The following LIN28B variants were observed in gnomAD, a reference collection of about 807,000 sequenced individuals.
LIN28B encodes protein lin-28 homolog B.
In LIN28B, 5 loss-of-function variants were observed where a neutral mutation model predicts 21.9. The observed-to-expected ratio is 0.23, with a 90% CI of 0.12 to 0.48. LIN28B has a LOEUF of 0.48. LIN28B is among the 20% of genes least tolerant of loss of function. The pLI is 0.98. For missense variants in LIN28B, 245 were observed against 310.5 expected, an observed-to-expected ratio of 0.79 and a Z score of 1.58; for synonymous variants, 109 against 111.3, an observed-to-expected ratio of 0.98 and a Z score of 0.13.
At position 105,079,737 on chromosome 6, in the gene LIN28B, C is replaced by T. The variant is rs1224000012; in HGVS notation, c.*954C>T. Reference sequence around the variant, plus strand: ...CCCATTGCTTAGAGCAGGGAGCCCTCCTTATTTACTACTGAAGACCTTAGA... The same window carrying T: ...CCCATTGCTTAGAGCAGGGAGCCCTTCTTATTTACTACTGAAGACCTTAGA... On this transcript the variant is annotated 3_prime_UTR_variant, in exon 4 of 4. Coordinates refer to ENST00000345080, the MANE Select transcript of LIN28B (RefSeq NM_001004317.4). The T allele has an allele frequency of 6.6e-6, 1 of 152,218 alleles. No homozygotes were observed. Among genetic ancestry groups the T allele is most frequent in the Non-Finnish European group, 1.5e-5 (1 of 68,034 alleles). The allele number at this position is 152,218 out of a possible 1,614,324, so 9.4% of individuals were successfully genotyped here. A position where few individuals can be genotyped will look rare whatever the true frequency, so the allele number is the denominator to read the frequency against.
intron 3 of LIN28B, among the ~76,000 whole-genome samples, chr6:105,051,969 A>T (rs1346127056): frequency 6.6e-6 from 1 of 152,250 alleles, no homozygotes; most frequent in Non-Finnish European, 1.5e-5. Flanking sequence ...GTAAGGGGAC[A>T]GAGTAATAGT....
intron 2 of LIN28B, among the ~76,000 whole-genome samples, chr6:104,939,165 T>C (rs1778050062): frequency 6.6e-6 from 1 of 152,216 alleles, no homozygotes; most frequent in Non-Finnish European, 1.5e-5. Flanking sequence ...GTGATATAAT[T>C]AATTGCTGTT....
intron 2 of LIN28B, among the ~76,000 whole-genome samples, chr6:104,996,853 T>A (rs1770616216): frequency 6.6e-6 from 1 of 152,208 alleles, no homozygotes; most frequent in African/African-American, 2.4e-5. Context: ...TAAGGGGGCA[T>A]GCACCCGTGG....
At chr6:105,059,166 C>T (rs988431874) in intron 3 of LIN28B, among the ~76,000 whole-genome samples, 1 of 152,012 alleles carries the variant, frequency 6.6e-6, no homozygotes, top group African/African-American at 2.4e-5. Flanking sequence ...TCTATTAGCC[C>T]CTTTCTTGAA....
At chr6:104,960,197 T>C (rs1199885590) in intron 2 of LIN28B, among the ~76,000 whole-genome samples, 4 of 152,096 alleles carry the variant, frequency 2.6e-5, no homozygotes, top group Non-Finnish European at 5.9e-5. Context: ...TGATGCCTAG[T>C]TAAAGAGGTT....
At chr6:104,957,586 C>T (rs1189508829) in intron 1 of LIN28B, among the ~76,000 whole-genome samples, 1 of 151,848 alleles carries the variant, frequency 6.6e-6, no homozygotes, top group East Asian at 2.0e-4. Flanking sequence ...CCCATTCCAC[C>T]CCAACTTTAA....
At chr6:104,977,075 A>AGT (rs1418011006) in intron 2 of LIN28B, among the ~76,000 whole-genome samples, 6 of 151,942 alleles carry the variant, frequency 3.9e-5, no homozygotes, top group Non-Finnish European at 8.8e-5. Context: ...TTCAGGTTGA[A>AGT]GTACAGTGAC....
intron 3 of LIN28B, among the ~76,000 whole-genome samples, chr6:105,076,309 A>C (rs1211316524): frequency 2.0e-5 from 3 of 152,154 alleles, no homozygotes; most frequent in Non-Finnish European, 2.9e-5. Context: ...ATAAAAGCCC[A>C]TCTTATAAAT....
intron 3 of LIN28B, among the ~76,000 whole-genome samples, chr6:105,031,160 T>C (rs1771414867): frequency 6.6e-6 from 1 of 152,116 alleles, no homozygotes; most frequent in South Asian, 2.1e-4. Flanking sequence ...TCATTTATTA[T>C]ATTAGTCTGA....
chr6:104,939,274 T>G (rs1315063508), intron 2 of LIN28B: 1 of 152,250 alleles, frequency 6.6e-6, no homozygotes, highest in African/African-American at 2.4e-5. Flanking sequence ...GAATTGTATC[T>G]GAAAGAATCC....
chr6:105,032,732 A>T (rs9322825), intron 3 of LIN28B, among the ~76,000 whole-genome samples: 16,048 of 151,482 alleles, frequency 0.11, 878 homozygotes, highest in African/African-American at 0.14. Flanking sequence ...AAAAAAAAAA[A>T]TTTTTTTTAA....
chr6:105,058,782 A>G (rs1772072366), intron 3 of LIN28B, among the ~76,000 whole-genome samples: 1 of 152,128 alleles, frequency 6.6e-6, no homozygotes, highest in Non-Finnish European at 1.5e-5. Flanking sequence ...ATTTTAATGT[A>G]TGGTTGTTGC....
chr6:104,986,781 T>C (rs1409992549), intron 2 of LIN28B, among the ~76,000 whole-genome samples: 1 of 152,198 alleles, frequency 6.6e-6, no homozygotes, highest in East Asian at 1.9e-4. Context: ...AAACTGCTTG[T>C]TGCAATCCAA....
intron 3 of LIN28B, among the ~76,000 whole-genome samples, chr6:105,074,845 A>G (rs1221237256): frequency 6.6e-6 from 1 of 152,048 alleles, no homozygotes; most frequent in Non-Finnish European, 1.5e-5. Context: ...AGCTGGAACT[A>G]CAGGTGTGCC....
At chr6:104,971,753 T>G (rs902119413) in intron 2 of LIN28B, among the ~76,000 whole-genome samples, 6 of 152,198 alleles carry the variant, frequency 3.9e-5, no homozygotes, top group African/African-American at 1.4e-4. Flanking sequence ...TAGTTAAATT[T>G]AAATTTTTAT....
chr6:104,972,621 A>G (rs936254545), intron 2 of LIN28B, among the ~76,000 whole-genome samples: 3 of 152,180 alleles, frequency 2.0e-5, no homozygotes, highest in East Asian at 3.8e-4. Flanking sequence ...TATTGTAAGT[A>G]TAAGTTTAAT....
chr6:104,941,600 C>T (rs1052983807), intron 2 of LIN28B, among the ~76,000 whole-genome samples: 1 of 151,542 alleles, frequency 6.6e-6, no homozygotes, highest in African/African-American at 2.4e-5. Flanking sequence ...TGCGCACCTC[C>T]CTTTCGCGCT....
At chr6:104,947,965 T>C (rs938640542) in intron 2 of LIN28B, among the ~76,000 whole-genome samples, 7 of 152,122 alleles carry the variant, frequency 4.6e-5, no homozygotes, top group East Asian at 1.9e-4. Context: ...TGGACTGTTA[T>C]AATAAACCAC....
intron 2 of LIN28B, among the ~76,000 whole-genome samples, chr6:105,025,137 A>G (rs545392041): frequency 1.3e-4 from 20 of 152,212 alleles, no homozygotes; most frequent in Non-Finnish European, 2.8e-4. Context: ...ACGACAGCAA[A>G]TGGCTTATTC....
Sources: allele counts gnomAD v4.1 joint callset (sites outside exome capture counted in the v4.1 genomes callset), GRCh38; gene constraint gnomAD v4.1.1; transcripts MANE v1.5; gene names NCBI Gene and HGNC (gene_info 2026-07-23, HGNC 2026-07-21).